Variants in FIGLA observed in about 807,000 individuals in gnomAD.
FIGLA encodes the protein folliculogenesis specific bHLH transcription factor.
A neutral mutation model predicts 21.5 loss-of-function variants in FIGLA; 17 were observed. The observed-to-expected ratio is 0.79, with a 90% CI of 0.54 to 1.19. The LOEUF is 1.19. Ranked by LOEUF, FIGLA falls within the 50% of genes most tolerant of loss-of-function variation. The probability of loss-of-function intolerance (pLI) is 0.00; values close to 1 mark genes in which losing one functional copy is unlikely to be tolerated. For missense variants in FIGLA, 282 were observed against 285.0 expected (o/e 0.99, Z 0.08); for synonymous variants, 129 against 117.6 (o/e 1.10, Z -0.63).
intron 4 of FIGLA, 70 bp from the exon 5 acceptor site, chr2:70,777,452 T>A: frequency 1.5e-6 from 2 of 1,357,460 alleles, no homozygotes; most frequent in South Asian, 1.5e-5. Context: ...AATAAAGAAA[T>A]ATGCAAAAAA....
In FIGLA at chr2:70,785,267, A is replaced by C. The variant is rs73937008; in HGVS notation, c.609+148T>G. On this transcript the variant is annotated intron_variant, in intron 3 of 4. Coordinates refer to ENST00000332372, the MANE Select transcript of FIGLA (RefSeq NM_001004311.3). ...AATTTAGAAACAAAATAATCTCCCAAACTAGTAAACCCCACTGCCCCACCC... is the reference window on the plus strand; with the variant it reads ...AATTTAGAAACAAAATAATCTCCCACACTAGTAAACCCCACTGCCCCACCC... The C allele has an allele frequency of 0.18, 127,395 of 712,116 alleles. 12,170 individuals are homozygous for C. The highest frequency in any genetic ancestry group is 0.27 in the Middle Eastern group (678 of 2,476). 44.1% of individuals were successfully genotyped at this position (712,116 alleles called of 1,614,324 possible).
Position 70,790,611 on chromosome 2 carries a change from G to T in FIGLA, c.28C>A (p.Pro10Thr). ...AGGAGCGCGGGCGGCGCGGCGCGGG[G>T]ATCTAGGACGCCGGGCGCGGGGTCC... is the stretch of plus-strand genomic sequence containing the variant. MDPAPGVLD[P>T]RAAPPALLGT... is the part of the protein sequence containing the mutation. Residue 10 changes from proline (P) to threonine (T), a missense_variant, in exon 1 of 5, where the codon CCC becomes ACC. Physicochemically the swap from Pro to Thr is conservative, Grantham distance 38. Coordinates refer to ENST00000332372, the MANE Select transcript of FIGLA (RefSeq NM_001004311.3). 1.4e-6 allele frequency: 2 copies of T among 1,434,486 alleles called. No individual in the cohort carries two copies. The highest frequency in any genetic ancestry group is 5.9e-5 in the East Asian group (2 of 33,998). 88.9% of individuals were successfully genotyped at this position (1,434,486 alleles called of 1,614,324 possible). A position where few individuals can be genotyped will look rare whatever the true frequency, so the allele number is the denominator to read the frequency against.
intron 1 of FIGLA, 22 bp downstream of exon 1, chr2:70,790,386 G>T: frequency 6.7e-7 from 1 of 1,500,032 alleles, no homozygotes; most frequent in Non-Finnish European, 8.9e-7. Context: ...GGGAACGGAC[G>T]TCGACCCTAG....
chr2:70,786,738 C>CT (rs1675964067), intron 2 of FIGLA, among the ~76,000 whole-genome samples: 1 of 152,194 alleles, frequency 6.6e-6, no homozygotes, highest in African/African-American at 2.4e-5. Context: ...CTTTCAAGTG[C>CT]TAGACATGGT....
chr2:70,788,897 C>T (rs1676005192), intron 1 of FIGLA, among the ~76,000 whole-genome samples: 1 of 152,140 alleles, frequency 6.6e-6, no homozygotes, highest in Non-Finnish European at 1.5e-5. Flanking sequence ...CCTTAAGTCT[C>T]AGTAATTTCA....
chr2:70,787,194 C>T (rs1336729494), intron 2 of FIGLA, among the ~76,000 whole-genome samples: 1 of 152,182 alleles, frequency 6.6e-6, no homozygotes, highest in Non-Finnish European at 1.5e-5. Context: ...CTTCAGTTGG[C>T]CTTAGGGAGG....
At chr2:70,781,935 C>T (rs868984717) in intron 3 of FIGLA, among the ~76,000 whole-genome samples, 3 of 152,126 alleles carry the variant, frequency 2.0e-5, no homozygotes, top group South Asian at 4.1e-4. Flanking sequence ...TACGTGGTAC[C>T]AATGTCAGTT....
rs151132027 is a variant in FIGLA at position 70,778,660 on chromosome 2, A to G, written c.610-989T>C. 6.8e-3 allele frequency among the ~76,000 whole-genome samples: 1,031 copies of G among 152,272 alleles called. 5 individuals are homozygous for G. The highest frequency in any genetic ancestry group is 0.023 in the African/African-American group (964 of 41,562). On this transcript the variant is annotated intron_variant, in intron 3 of 4. Coordinates refer to ENST00000332372, the MANE Select transcript of FIGLA (RefSeq NM_001004311.3). ...TTAGCTGGAAAATTTCAGAAACGTAATATTTAAGTATGAGAATAGAAAAAC... is the reference window on the plus strand; with the variant it reads ...TTAGCTGGAAAATTTCAGAAACGTAGTATTTAAGTATGAGAATAGAAAAAC...
Position 70,790,594 on chromosome 2 carries a change from G to T in FIGLA, c.45C>A (p.Pro15=). 2 of 1,479,446 alleles carry T rather than the reference G, an allele frequency of 1.4e-6. No homozygotes were observed. The highest frequency in any genetic ancestry group is 1.8e-6 in the Non-Finnish European group (2 of 1,121,380). The allele number at this position is 1,479,446 out of a possible 1,614,324, so 91.6% of individuals were successfully genotyped here. Residue 15 remains proline (P), a synonymous_variant, in exon 1 of 5, where the codon CCC becomes CCA. Transcript: ENST00000332372. ...CGGCTTGCGGGGTGCCCAGGAGCGC[G>T]GGCGGCGCGGCGCGGGGATCTAGGA... ...PGVLDPRAAP[P]ALLGTPQAEV...
At chr2:70,789,252 A>C (rs1676013790) in intron 1 of FIGLA, among the ~76,000 whole-genome samples, 1 of 152,088 alleles carries the variant, frequency 6.6e-6, no homozygotes. Flanking sequence ...TGTGTCTCTT[A>C]ACTTCTTCAC....
intron 3 of FIGLA, 22 bp from the exon 4 acceptor site, chr2:70,777,693 C>G: frequency 1.6e-6 from 2 of 1,228,590 alleles, no homozygotes; most frequent in South Asian, 1.3e-5. Context: ...ATACAAAATA[C>G]AGAAAGGGCT....
In FIGLA at chr2:70,785,771, G is replaced by T. The variant is rs1675943333; in HGVS notation, c.385-132C>A. ...TAAGGGCAATGCTTAAGTCATTATG[G>T]AGAGAAAAGCATTGTTCAATTGACC... On this transcript the variant is annotated intron_variant, in intron 2 of 4. Coordinates refer to ENST00000332372, the MANE Select transcript of FIGLA (RefSeq NM_001004311.3). 5 of 713,916 alleles carry T rather than the reference G, an allele frequency of 7.0e-6. No homozygotes were observed. The Admixed American group carries it at 1.1e-4, about 16-fold the overall frequency. The allele number at this position is 713,916 out of a possible 1,614,324, so 44.2% of individuals were successfully genotyped here.
intron 3 of FIGLA, 137 bp downstream of exon 3, chr2:70,785,278 C>T (rs1014677416): frequency 5.9e-5 from 45 of 764,632 alleles, no homozygotes; most frequent in African/African-American, 8.8e-5. Flanking sequence ...ACTAGTAAAC[C>T]CCACTGCCCC....
intron 3 of FIGLA, among the ~76,000 whole-genome samples, chr2:70,779,233 C>T (rs1675812897): frequency 6.6e-6 from 1 of 152,164 alleles, no homozygotes; most frequent in Non-Finnish European, 1.5e-5. Context: ...CTGGGACAAA[C>T]CAGAAGGCAC....
chr2:70,781,896 C>T (rs918342470), intron 3 of FIGLA, among the ~76,000 whole-genome samples: 1 of 152,278 alleles, frequency 6.6e-6, no homozygotes, highest in Admixed American at 6.5e-5. Context: ...TGAATCTACA[C>T]GTGTGATAAA....
chr2:70,779,755 CTT>C (rs1401887775), intron 3 of FIGLA, among the ~76,000 whole-genome samples: 1 of 152,196 alleles, frequency 6.6e-6, no homozygotes, highest in Non-Finnish European at 1.5e-5. Flanking sequence ...CCCCAGCACT[CTT>C]GGCATCTCAC....
rs1553390811 is a variant in FIGLA, at chr2:70,790,624, G to A, written c.15C>T (p.Pro5=). The A allele has an allele frequency of 1.4e-6, 2 of 1,418,384 alleles. No individual in the cohort carries two copies. Among genetic ancestry groups the A allele is most frequent in the Middle Eastern group, 2.4e-4 (1 of 4,084 alleles). 87.9% of individuals were successfully genotyped at this position (1,418,384 alleles called of 1,614,324 possible). MDPA[P]GVLDPRAAPP... ...GCGCGGCGCGGGGATCTAGGACGCC[G>A]GGCGCGGGGTCCATGGCAGGGCCGA... The change falls in exon 1 of 5, where the codon CCC becomes CCT. Residue 5 remains proline (P), a synonymous_variant. Coordinates refer to ENST00000332372, the MANE Select transcript of FIGLA (RefSeq NM_001004311.3).
At chr2:70,789,764 A>G (rs1676024240) in intron 1 of FIGLA, among the ~76,000 whole-genome samples, 1 of 152,186 alleles carries the variant, frequency 6.6e-6, no homozygotes, top group African/African-American at 2.4e-5. Flanking sequence ...GTTAGATAGT[A>G]AAATCTACCA....
intron 1 of FIGLA, among the ~76,000 whole-genome samples, chr2:70,789,946 C>T (rs1202677633): frequency 6.6e-6 from 1 of 152,160 alleles, no homozygotes; most frequent in East Asian, 1.9e-4. Context: ...GTCAGGCCCC[C>T]CTTTCTCCTC....
Sources: allele counts gnomAD v4.1 joint callset (sites outside exome capture counted in the v4.1 genomes callset), GRCh38; gene constraint gnomAD v4.1.1; transcripts MANE v1.5; gene names NCBI Gene and HGNC (gene_info 2026-07-23, HGNC 2026-07-21).